The following NGEF variants were observed in gnomAD, a reference collection of about 807,000 sequenced individuals.
NGEF encodes the protein neuronal guanine nucleotide exchange factor, also known as ephexin-1.
A neutral mutation model predicts 80.9 loss-of-function variants in NGEF; 31 were observed. That is an observed-to-expected ratio of 0.38 (90% CI 0.29 to 0.52). The LOEUF is 0.52. Among genes scored for constraint, NGEF ranks in the 20% least tolerant of loss-of-function variants. The pLI is 0.84. For synonymous variants in NGEF, 371 were observed against 370.2 expected, an observed-to-expected ratio of 1.00 and a Z score of -0.03; for missense variants, 709 against 926.2, an observed-to-expected ratio of 0.77 and a Z score of 3.04.
At chr2:232,902,449 C>T (rs1165771781) in intron 5 of NGEF, among the ~76,000 whole-genome samples, 2 of 152,180 alleles carry the variant, frequency 1.3e-5, no homozygotes, top group African/African-American at 4.8e-5. Context: ...GGAGTGACAG[C>T]TAACCCCTTG....
At chr2:232,970,018 A>T (rs1056638861) in intron 3 of NGEF, 196 bp downstream of exon 3, 7 of 328,200 alleles carry the variant, frequency 2.1e-5, no homozygotes, top group East Asian at 1.1e-4. Context: ...ATATTTTTTT[A>T]AAAAATTACT....
intron 1 of NGEF, among the ~76,000 whole-genome samples, chr2:233,000,704 G>A (rs1021159551): frequency 1.3e-5 from 2 of 151,272 alleles, no homozygotes; most frequent in African/African-American, 4.9e-5. Context: ...AGCTTGCAGT[G>A]AGCCGAGATC....
At chr2:233,001,398 G>A in intron 1 of NGEF, among the ~76,000 whole-genome samples, 1 of 152,228 alleles carries the variant, frequency 6.6e-6, no homozygotes, top group Admixed American at 6.5e-5. Context: ...GAGCCTGTGA[G>A]TCTCCCCACG....
At chr2:232,929,262 C>T (rs971734207) in intron 3 of NGEF, among the ~76,000 whole-genome samples, 3 of 152,228 alleles carry the variant, frequency 2.0e-5, no homozygotes, top group Non-Finnish European at 2.9e-5. Flanking sequence ...GCAAACATTC[C>T]TGGTGGCAGC....
At chr2:232,906,142 C>T (rs1433745326) in intron 5 of NGEF, among the ~76,000 whole-genome samples, 19 of 68,788 alleles carry the variant, frequency 2.8e-4, no homozygotes, top group African/African-American at 3.6e-4. Flanking sequence ...CCCCGCCCGG[C>T]CACCCGCCCC....
intron 2 of NGEF, among the ~76,000 whole-genome samples, chr2:232,970,697 C>G (rs917051930): frequency 6.6e-6 from 1 of 152,036 alleles, no homozygotes; most frequent in Non-Finnish European, 1.5e-5. Context: ...TGCCTGTGAT[C>G]CAAGCTACCT....
chr2:232,894,131 C>G (rs868598952), intron 6 of NGEF, among the ~76,000 whole-genome samples: 2 of 152,242 alleles, frequency 1.3e-5, no homozygotes, highest in Non-Finnish European at 2.9e-5. Flanking sequence ...GGTAAGTGCT[C>G]TTTCATCCTG....
chr2:232,982,414 A>T (rs868583660), intron 1 of NGEF, among the ~76,000 whole-genome samples: 5 of 152,126 alleles, frequency 3.3e-5, no homozygotes, highest in Non-Finnish European at 7.3e-5. Flanking sequence ...CCCCTAAGAG[A>T]GGGACTGGCT....
intron 5 of NGEF, among the ~76,000 whole-genome samples, chr2:232,903,613 C>T (rs1475722992): frequency 6.6e-6 from 1 of 152,166 alleles, no homozygotes; most frequent in Admixed American, 6.5e-5. Flanking sequence ...TACCTGCCTA[C>T]TTTGCTACTT....
chr2:232,974,801 C>T lies in NGEF; in HGVS notation c.90G>A (p.Val30=). The change falls in exon 2 of 15, where the codon GTG becomes GTA. Residue 30 remains valine (V), a synonymous_variant. Transcript: ENST00000264051. ...QWNTDNEPAK[V]KPELLPEKEE... ...CTTTTTCTGGGAGTAACTCAGGTTT[C>T]ACCTTGGCTGGTTCATTATCAGTGT... 5.0e-6 allele frequency: 8 copies of T among 1,614,244 alleles called. No individual in the cohort carries two copies. Among genetic ancestry groups the T allele is most frequent in the Middle Eastern group, 1.6e-4 (1 of 6,062 alleles).
intron 3 of NGEF, among the ~76,000 whole-genome samples, chr2:232,940,790 G>A (rs1282420991): frequency 3.3e-5 from 5 of 151,978 alleles, no homozygotes; most frequent in Admixed American, 2.0e-4. Flanking sequence ...TTAAGCGTGT[G>A]TATATACTTT....
At chr2:233,000,966 G>A (rs1022370998) in intron 1 of NGEF, among the ~76,000 whole-genome samples, 9 of 152,158 alleles carry the variant, frequency 5.9e-5, no homozygotes, top group Non-Finnish European at 1.3e-4. Context: ...AAACGGCGCC[G>A]TGAACCAGTG....
chr2:232,909,643 G>A (rs996455213), intron 5 of NGEF, among the ~76,000 whole-genome samples: 1 of 152,058 alleles, frequency 6.6e-6, no homozygotes, highest in Non-Finnish European at 1.5e-5. Context: ...CTGCAGGTTC[G>A]TGTAACCCAC....
intron 3 of NGEF, among the ~76,000 whole-genome samples, chr2:232,961,332 T>G (rs1668379222): frequency 6.6e-6 from 1 of 152,150 alleles, no homozygotes; most frequent in African/African-American, 2.4e-5. Context: ...TATATATGTT[T>G]GGGGTTGCCT....
chr2:232,924,940 A>G (rs1693029539), intron 4 of NGEF, among the ~76,000 whole-genome samples: 1 of 152,154 alleles, frequency 6.6e-6, no homozygotes, highest in Admixed American at 6.5e-5. Flanking sequence ...ATTTCTCATA[A>G]CCTTTCATTT....
rs548437732 is a variant in NGEF, at chr2:232,927,906, G to A, written c.384-720C>T. ...GCCCGTCCTCACCTGCCGGGCAGGTGTCCCGCCGCCGAGTCGCGCGCGTCG... is the reference window on the plus strand; with the variant it reads ...GCCCGTCCTCACCTGCCGGGCAGGTATCCCGCCGCCGAGTCGCGCGCGTCG... On this transcript the variant is annotated intron_variant, in intron 3 of 14. Coordinates refer to ENST00000264051, the MANE Select transcript of NGEF (RefSeq NM_019850.3). The A allele has an allele frequency of 1.1e-4, 145 of 1,315,426 alleles. No homozygotes were observed. In the African/African-American group the frequency reaches 2.1e-3, roughly 19 times the overall value. 81.5% of individuals were successfully genotyped at this position (1,315,426 alleles called of 1,614,324 possible). A position where few individuals can be genotyped will look rare whatever the true frequency, so the allele number is the denominator to read the frequency against.
chr2:232,939,272 A>G (rs1373342082), intron 3 of NGEF, among the ~76,000 whole-genome samples: 1 of 152,102 alleles, frequency 6.6e-6, no homozygotes, highest in African/African-American at 2.4e-5. Flanking sequence ...ATCACCTCAT[A>G]AACTACATAG....
At chr2:232,900,176 TCA>T (rs1161313733) in intron 5 of NGEF, among the ~76,000 whole-genome samples, 2 of 90,438 alleles carry the variant, frequency 2.2e-5, no homozygotes, top group African/African-American at 4.8e-5. Flanking sequence ...ACACGTTCAC[TCA>T]CATTCACACA....
Position 232,885,781 on chromosome 2 carries a change from G to A in NGEF, c.1348-412C>T, listed in dbSNP as rs183381384. ...GGGCTCCCGAGGACTCGTTCTGAAGGAAGACAATTCTGCAGTGACACATGG... is the reference window on the plus strand; with the variant it reads ...GGGCTCCCGAGGACTCGTTCTGAAGAAAGACAATTCTGCAGTGACACATGG... On this transcript the variant is annotated intron_variant, in intron 9 of 14. Transcript: ENST00000264051. Among the ~76,000 whole-genome samples, 457 of 152,256 alleles carry A rather than the reference G, an allele frequency of 3.0e-3. 1 individual carries two copies. Among genetic ancestry groups the A allele is most frequent in the African/African-American group, 0.011 (442 of 41,536 alleles).
Sources: gnomAD v4.1 joint callset for allele counts (sites outside exome capture counted in the v4.1 genomes callset) on GRCh38, gnomAD v4.1.1 for gene constraint, MANE v1.5 for transcripts, NCBI Gene and HGNC (gene_info 2026-07-23, HGNC 2026-07-21) for gene names.